SAFB2: variants seen among roughly 807,000 people sequenced by gnomAD.
SAFB2 encodes scaffold attachment factor B2.
Under a neutral mutation model 100.6 loss-of-function variants are expected in SAFB2, and 32 were observed. The observed-to-expected ratio is 0.32, with a 90% confidence interval of 0.24 to 0.43. The LOEUF (loss-of-function observed/expected upper bound fraction) is 0.43, where lower values mean the gene tolerates loss of function less well. Ranked by LOEUF, SAFB2 falls within the 20% of genes least tolerant of loss-of-function variation. The probability of loss-of-function intolerance (pLI) is 1.00; values close to 1 mark genes in which losing one functional copy is unlikely to be tolerated. For synonymous variants in SAFB2, 500 were observed against 439.4 expected (o/e 1.14, Z -1.72); for missense variants, 1,185 against 1,163.4 (o/e 1.02, Z -0.27).
At chr19:5,604,533 C>G in intron 11 of SAFB2, 50 bp downstream of exon 11, 1 of 1,435,352 alleles carries the variant, frequency 7.0e-7, no homozygotes, top group Non-Finnish European at 9.8e-7. Flanking sequence ...GGTGGCTGCC[C>G]GTGCCCTCCT....
chr19:5,618,543 C>G (rs1185416789), intron 2 of SAFB2, among the ~76,000 whole-genome samples: 2 of 152,196 alleles, frequency 1.3e-5, no homozygotes, highest in African/African-American at 4.8e-5. Context: ...TTATTATCTG[C>G]ATTTGACACG....
intron 2 of SAFB2, among the ~76,000 whole-genome samples, chr19:5,619,575 C>T (rs917927196): frequency 6.6e-6 from 1 of 152,214 alleles, no homozygotes; most frequent in Admixed American, 6.5e-5. Flanking sequence ...CACAGTGGCT[C>T]ATGCCTCTAA....
At chr19:5,621,602 G>A (rs528742825) in intron 1 of SAFB2, among the ~76,000 whole-genome samples, 1 of 152,352 alleles carries the variant, frequency 6.6e-6, no homozygotes, top group South Asian at 2.1e-4. Flanking sequence ...ACAAAGGAGA[G>A]GGAGGCTGTG....
At position 5,587,785 on chromosome 19, in the gene SAFB2, T is replaced by A; in HGVS notation, c.2639-18A>T. ...CTCGCCACCTAGAAGAGAAGAAGGGTCTGCAAACACTCCGTTCCTGGGGAA... is the reference window on the plus strand; with the variant it reads ...CTCGCCACCTAGAAGAGAAGAAGGGACTGCAAACACTCCGTTCCTGGGGAA... On this transcript the variant is annotated intron_variant, in intron 19 of 20. Coordinates refer to ENST00000252542, the MANE Select transcript of SAFB2 (RefSeq NM_014649.3). This position sits in a 1 kb window ranked among gnomAD's most constrained non-coding sequence, Gnocchi z 4.9. 6.4e-7 allele frequency: 1 copy of A among 1,551,644 alleles called. No homozygotes were observed. The highest frequency in any genetic ancestry group is 8.7e-7 in the Non-Finnish European group (1 of 1,147,666).
chr19:5,593,986 G>A lies in SAFB2; in HGVS notation c.2112C>T (p.Arg704=). Reference sequence around the variant, plus strand: ...GCAGCTCCTCGCGCTCGCGGTGGATGCGCTCCTGCTCCTTCCTGCGCTCAC... The same window carrying A: ...GCAGCTCCTCGCGCTCGCGGTGGATACGCTCCTGCTCCTTCCTGCGCTCAC... ...VERERRKEQE[R]IHREREELRR... The change falls in exon 15 of 21, where the codon CGC becomes CGT. Residue 704 remains arginine, a synonymous_variant. Transcript: ENST00000252542. 2 of 1,556,854 alleles carry A rather than the reference G, an allele frequency of 1.3e-6. No individual in the cohort carries two copies. The highest frequency in any genetic ancestry group is 8.6e-7 in the Non-Finnish European group (1 of 1,158,252).
In SAFB2 at chr19:5,588,452, C is replaced by T. The variant is rs550247677; in HGVS notation, c.2526-472G>A. On this transcript the variant is annotated intron_variant, in intron 18 of 20. Transcript: ENST00000252542. ...GACATCTGTGCATGAATGTTCCTAG[C>T]GGCAGGATTCCTAACAGCCAAAGGG... 1.4e-4 allele frequency among the ~76,000 whole-genome samples: 22 copies of T among 152,312 alleles called. 1 individual carries two copies. The East Asian group carries it at 3.1e-3, about 21-fold the overall frequency.
chr19:5,591,124 A>T (rs1429611117), intron 17 of SAFB2, among the ~76,000 whole-genome samples: 1 of 151,926 alleles, frequency 6.6e-6, no homozygotes, highest in African/African-American at 2.4e-5. Context: ...TTCTTGGGGG[A>T]CCCCACAGGC....
intron 2 of SAFB2, among the ~76,000 whole-genome samples, chr19:5,620,493 C>G (rs2053117874): frequency 6.6e-6 from 1 of 152,178 alleles, no homozygotes; most frequent in African/African-American, 2.4e-5. Flanking sequence ...CTGGTATCAG[C>G]CATAAACAGG....
At chr19:5,601,425 T>TTTA (rs913639804) in intron 11 of SAFB2, among the ~76,000 whole-genome samples, 3 of 152,170 alleles carry the variant, frequency 2.0e-5, no homozygotes, top group Non-Finnish European at 2.9e-5. Context: ...AAGAAGGGTT[T>TTTA]TTAGGCTGGT....
At chr19:5,614,577 G>C (rs1055835764) in intron 4 of SAFB2, among the ~76,000 whole-genome samples, 1 of 152,156 alleles carries the variant, frequency 6.6e-6, no homozygotes, top group Non-Finnish European at 1.5e-5. Flanking sequence ...AATGACTTTT[G>C]ACCGTAAGGT....
chr19:5,608,250 CT>C (rs2052819938), intron 9 of SAFB2, among the ~76,000 whole-genome samples: 1 of 152,192 alleles, frequency 6.6e-6, no homozygotes, highest in Non-Finnish European at 1.5e-5. Flanking sequence ...CCTCCCAAAT[CT>C]AAACACGGCC....
intron 2 of SAFB2, 23 bp downstream of exon 2, chr19:5,621,286 C>T (rs368713477): frequency 3.3e-6 from 5 of 1,500,958 alleles, no homozygotes; most frequent in Non-Finnish European, 4.6e-6. Flanking sequence ...ACACTCAAGC[C>T]CCAAGCAGCA....
rs1264807606 is a variant in SAFB2, at chr19:5,594,116, G to A, written c.1982C>T (p.Ala661Val). ...CTGCAGGCGTTCCCGCTGTAGCCGG[G>A]CCTTCTCCTTCCGCTCATGGAAGGC... ...LEAFHERKEK[A>V]RLQRERLQLE... Residue 661 changes from alanine to valine, a missense_variant, in exon 15 of 21, where the codon GCC (alanine) becomes GTC (valine). This residue lies in a region of SAFB2 where 740 missense variants were observed against 687.1 expected (regional missense o/e 1.08). Coordinates refer to ENST00000252542, the MANE Select transcript of SAFB2 (RefSeq NM_014649.3). The A allele has an allele frequency of 3.1e-6, 5 of 1,601,700 alleles. No individual in the cohort carries two copies. The African/African-American group carries it at 4.0e-5, about 13-fold the overall frequency.
At chr19:5,592,633 G>T in intron 16 of SAFB2, 114 bp downstream of exon 16, 1 of 1,215,146 alleles carries the variant, frequency 8.2e-7, no homozygotes, top group Non-Finnish European at 1.2e-6. Flanking sequence ...GATCTCAGAA[G>T]TAAACGAGGC....
In SAFB2 at chr19:5,587,511, G is replaced by A. The variant is rs2052282782; in HGVS notation, c.2706-112C>T. The A allele has an allele frequency of 6.8e-6, 10 of 1,478,294 alleles. No individual in the cohort carries two copies. The South Asian group carries it at 8.2e-5, about 12-fold the overall frequency. The allele number at this position is 1,478,294 out of a possible 1,614,324, so 91.6% of individuals were successfully genotyped here. A position where few individuals can be genotyped will look rare whatever the true frequency, so the allele number is the denominator to read the frequency against. On this transcript the variant is annotated intron_variant, in intron 20 of 20. Coordinates refer to ENST00000252542, the MANE Select transcript of SAFB2 (RefSeq NM_014649.3). This position sits in a 1 kb window ranked among gnomAD's most constrained non-coding sequence, Gnocchi z 4.9. ...TTAGAGCGCTTGGGTTTTTTTTCCA[G>A]GTGAGAAAAATCATCATCGCACATT...
intron 1 of SAFB2, 76 bp downstream of exon 1, chr19:5,622,454 G>T (rs2053184752): frequency 7.2e-7 from 1 of 1,394,058 alleles, no homozygotes; most frequent in African/African-American, 1.5e-5. Context: ...CCCCGGGTCC[G>T]GGAGCCGCGG....
intron 2 of SAFB2, among the ~76,000 whole-genome samples, chr19:5,617,330 G>A (rs2053054218): frequency 6.6e-6 from 1 of 152,020 alleles, no homozygotes; most frequent in Non-Finnish European, 1.5e-5. Flanking sequence ...ATCATCCTGG[G>A]TTTTGTGACC....
At chr19:5,614,254 G>A (rs942048712) in intron 4 of SAFB2, among the ~76,000 whole-genome samples, 4 of 151,930 alleles carry the variant, frequency 2.6e-5, no homozygotes, top group African/African-American at 9.7e-5. Flanking sequence ...CGCCTGGCCC[G>A]CCTAGCCTAC....
intron 18 of SAFB2, among the ~76,000 whole-genome samples, chr19:5,589,234 A>C (rs954154277): frequency 6.6e-6 from 1 of 152,234 alleles, no homozygotes; most frequent in Non-Finnish European, 1.5e-5. Flanking sequence ...GGTATTTACC[A>C]TAACACCCAG....
Sources: allele counts gnomAD v4.1 joint callset (sites outside exome capture counted in the v4.1 genomes callset), GRCh38; gene constraint gnomAD v4.1.1; regional missense constraint gnomAD v4.1.1; non-coding constraint Gnocchi (gnomAD v3.1); transcripts MANE v1.5; gene names NCBI Gene and HGNC (gene_info 2026-07-23, HGNC 2026-07-21).